Variants in C13orf46 observed in about 807,000 individuals in gnomAD.
C13orf46 encodes the protein uncharacterized protein C13orf46.
intron 6 of C13orf46, among the ~76,000 whole-genome samples, chr13:113,957,959 T>TG (rs1224791100): frequency 1.1e-4 from 11 of 100,864 alleles, no homozygotes; most frequent in Non-Finnish European, 1.4e-4. Context: ...TCAAGTGCAC[T>TG]GGGGGGGTCT....
At chr13:113,931,395 T>C in the C13orf46 span, among the ~76,000 whole-genome samples, 1 of 152,130 alleles carries the variant, frequency 6.6e-6, no homozygotes, top group Non-Finnish European at 1.5e-5. Flanking sequence ...TTGTAGACTT[T>C]CCAAATAGTC....
chr13:113,970,053 CCTTCT>C (rs1234255693), intron 2 of C13orf46, 113 bp downstream of exon 2: 1 of 152,216 alleles, frequency 6.6e-6, no homozygotes, highest in Non-Finnish European at 1.5e-5. Flanking sequence ...CCCTCTGTCC[CCTTCT>C]AAGTGTCTAC....
At chr13:113,928,493 G>A in the C13orf46 span, 4,645 of 152,462 alleles carry the variant, frequency 0.03, 117 homozygotes, top group South Asian at 0.056. Context: ...GAGAGAGAGG[G>A]GAACAGCGCC....
chr13:113,970,127 C>T (rs2052688557), intron 2 of C13orf46, 44 bp downstream of exon 2: 1 of 152,356 alleles, frequency 6.6e-6, no homozygotes, highest in African/African-American at 2.4e-5. Context: ...CTCACTTTTC[C>T]CAGCTCCACC....
At chr13:113,936,434 G>A in the C13orf46 span, among the ~76,000 whole-genome samples, 2 of 152,226 alleles carry the variant, frequency 1.3e-5, no homozygotes, top group African/African-American at 2.4e-5. Context: ...AAGGAGCCAA[G>A]GCCTTCCTCC....
the C13orf46 span, among the ~76,000 whole-genome samples, chr13:113,948,620 C>T: frequency 3.3e-5 from 5 of 152,200 alleles, no homozygotes; most frequent in African/African-American, 1.2e-4. Context: ...GAGCTCCGCC[C>T]CTCAACCTCA....
rs148477710 is a variant in C13orf46, at chr13:113,973,370, C to G, written c.190+438G>C. 4.3e-4 allele frequency among the ~76,000 whole-genome samples: 65 copies of G among 152,278 alleles called. 1 individual carries two copies. The East Asian group carries it at 0.012, about 28-fold the overall frequency. On this transcript the variant is annotated intron_variant, in intron 1 of 6. Coordinates refer to ENST00000636427, the MANE Select transcript of C13orf46 (RefSeq NM_001365455.2). ...CTGAGACAAGTGTGTCCGACAGCTC[C>G]CTCTGGGCTGCTCATGAAAAACCGC...
rs953645577 is a variant in C13orf46 at position 113,962,471 on chromosome 13, G to A, written c.572+2456C>T. ...AATGAACACGCAAGTGTGCACGTGAGCTGATGCCCATTCATTACAGCCACG... is the reference window on the plus strand; with the variant it reads ...AATGAACACGCAAGTGTGCACGTGAACTGATGCCCATTCATTACAGCCACG... On this transcript the variant is annotated intron_variant, in intron 6 of 6. Transcript: ENST00000636427. Among the ~76,000 whole-genome samples, 9 of 152,374 alleles carry A rather than the reference G, an allele frequency of 5.9e-5. No homozygotes were observed. In the South Asian group the frequency reaches 1.9e-3, roughly 32 times the overall value.
the C13orf46 span, among the ~76,000 whole-genome samples, chr13:113,941,751 C>T: frequency 6.6e-6 from 1 of 152,220 alleles, no homozygotes; most frequent in Non-Finnish European, 1.5e-5. Context: ...TCTCCCCACC[C>T]AGAAGGCAGC....
chr13:113,970,989 A>G (rs2052698909), intron 1 of C13orf46, among the ~76,000 whole-genome samples: 1 of 152,134 alleles, frequency 6.6e-6, no homozygotes, highest in Non-Finnish European at 1.5e-5. Flanking sequence ...ATTCTAGTTA[A>G]ACACTGAGTT....
At chr13:113,963,849 A>T (rs893316638) in intron 6 of C13orf46, among the ~76,000 whole-genome samples, 1 of 152,288 alleles carries the variant, frequency 6.6e-6, no homozygotes, top group African/African-American at 2.4e-5. Context: ...ATGTTAATGT[A>T]ACTGTTGTTT....
chr13:113,947,162 G>A, the C13orf46 span, among the ~76,000 whole-genome samples: 3 of 152,216 alleles, frequency 2.0e-5, no homozygotes, highest in Non-Finnish European at 2.9e-5. Context: ...GCACATCAGA[G>A]CTGCGTGCTT....
At chr13:113,938,615 T>C in the C13orf46 span, among the ~76,000 whole-genome samples, 1 of 152,136 alleles carries the variant, frequency 6.6e-6, no homozygotes, top group East Asian at 1.9e-4. Flanking sequence ...CCTAACCTAG[T>C]TCCCCCTGCA....
the C13orf46 span, chr13:113,927,302 G>T: frequency 2.7e-6 from 1 of 375,180 alleles, no homozygotes; most frequent in Non-Finnish European, 4.7e-6. Flanking sequence ...TGTGGGACAG[G>T]CTCCTCGCTG....
At chr13:113,947,433 G>A in the C13orf46 span, among the ~76,000 whole-genome samples, 1 of 152,144 alleles carries the variant, frequency 6.6e-6, no homozygotes, top group Non-Finnish European at 1.5e-5. Context: ...GGAAGCAGGA[G>A]TTTCATTCTG....
chr13:113,952,936 A>G (rs1426024891), downstream of C13orf46, among the ~76,000 whole-genome samples: 1 of 152,178 alleles, frequency 6.6e-6, no homozygotes, highest in Non-Finnish European at 1.5e-5. Flanking sequence ...ACGTGGCAGG[A>G]GCTGCTCTCG....
chr13:113,951,880 G>A (rs890845065), downstream of C13orf46, among the ~76,000 whole-genome samples: 4 of 152,250 alleles, frequency 2.6e-5, no homozygotes, highest in East Asian at 3.9e-4. Flanking sequence ...TCAGCACTCC[G>A]GACAGGGCCT....
the C13orf46 span, among the ~76,000 whole-genome samples, chr13:113,936,588 C>T: frequency 6.6e-5 from 10 of 152,290 alleles, 1 homozygote; most frequent in South Asian, 2.1e-3. Context: ...ACACGCAGAG[C>T]CGGCTAAACA....
At chr13:113,971,060 T>C (rs1240539153) in intron 1 of C13orf46, among the ~76,000 whole-genome samples, 4 of 152,234 alleles carry the variant, frequency 2.6e-5, no homozygotes, top group Non-Finnish European at 5.9e-5. Flanking sequence ...TGGCAGAGGA[T>C]TCTCCAAGCC....
Sources: gnomAD v4.1 joint callset for allele counts (sites outside exome capture counted in the v4.1 genomes callset) on GRCh38, gnomAD v4.1.1 for gene constraint, MANE v1.5 for transcripts, NCBI Gene and HGNC (gene_info 2026-07-23, HGNC 2026-07-21) for gene names.